KIRREL1: variants seen among roughly 807,000 people sequenced by gnomAD.
KIRREL1 encodes the protein kin of IRRE-like protein 1.
In KIRREL1, 25 loss-of-function variants were observed where a neutral mutation model predicts 83.3. That is an observed-to-expected ratio of 0.30 (90% CI 0.22 to 0.42). KIRREL1 has a LOEUF of 0.42. Ranked by LOEUF, KIRREL1 falls within the 10% of genes least tolerant of loss-of-function variation. KIRREL1 has a pLI of 1.00. For missense variants in KIRREL1, 812 were observed against 1,032.3 expected (o/e 0.79, Z 2.92); for synonymous variants, 388 against 410.4 (o/e 0.95, Z 0.66).
intron 1 of KIRREL1, among the ~76,000 whole-genome samples, chr1:158,041,220 G>A (rs879429360): frequency 6.6e-6 from 1 of 152,152 alleles, no homozygotes; most frequent in Admixed American, 6.5e-5. Context: ...GCCTTGGGGA[G>A]GGTCAGCTAA....
At chr1:158,052,033 C>T (rs1039811629) in intron 1 of KIRREL1, among the ~76,000 whole-genome samples, 1 of 152,076 alleles carries the variant, frequency 6.6e-6, no homozygotes, top group Non-Finnish European at 1.5e-5. Flanking sequence ...CCCTGCTGTA[C>T]CTACCCTCCC....
Position 157,994,297 on chromosome 1 carries a change from C to T in KIRREL1, c.52+569C>T, listed in dbSNP as rs74893434. On this transcript the variant is annotated intron_variant, in intron 1 of 14. Transcript: ENST00000359209. ...CTAGAGGAAGGGAGGGGTGTCTCGG[C>T]GCCTCTAGTGGGGATTTGGAACCCC... Among the ~76,000 whole-genome samples the T allele has an allele frequency of 5.6e-3, 850 of 152,068 alleles. 60 individuals carry two copies. The East Asian group carries it at 0.13, about 24-fold the overall frequency.
intron 1 of KIRREL1, among the ~76,000 whole-genome samples, chr1:158,006,496 G>A (rs1211952943): frequency 1.3e-5 from 2 of 152,228 alleles, no homozygotes; most frequent in Admixed American, 1.3e-4. Context: ...AGCCCAGAGA[G>A]GTCATAGGCG....
chr1:158,006,378 T>G (rs1220777858), intron 1 of KIRREL1, among the ~76,000 whole-genome samples: 1 of 152,206 alleles, frequency 6.6e-6, no homozygotes, highest in Non-Finnish European at 1.5e-5. Context: ...GATTGGGTAT[T>G]GTAACTGAAC....
Position 158,094,845 on chromosome 1 carries a change from C to T in KIRREL1, c.1999C>T (p.Pro667Ser), listed in dbSNP as rs1350627577. Residue 667 changes from proline (P) to serine (S), a missense_variant, in exon 15 of 15, where the codon CCC (proline) becomes TCC (serine). Pro to Ser is a moderately conservative substitution (Grantham distance 74). Coordinates refer to ENST00000359209, the MANE Select transcript of KIRREL1 (RefSeq NM_018240.7). This position sits in a 1 kb window ranked among gnomAD's most constrained non-coding sequence, Gnocchi z 4.6. ...CTCTGACTATGGCCCTGAGCCCACA[C>T]CCCCTGGCCCTGCTGCCCCAGCTGG... Reference protein sequence around the residue: ...PASDYGPEPTPPGPAAPAGTD... With the variant: ...PASDYGPEPTSPGPAAPAGTD... 1.9e-6 allele frequency: 3 copies of T among 1,613,880 alleles called. No homozygotes were observed. Among genetic ancestry groups the T allele is most frequent in the Admixed American group, 1.7e-5 (1 of 59,998 alleles).
At chr1:158,056,345 C>T (rs775666682) in intron 1 of KIRREL1, among the ~76,000 whole-genome samples, 35 of 152,200 alleles carry the variant, frequency 2.3e-4, no homozygotes, top group African/African-American at 7.7e-4. Context: ...TTGCCTTTCG[C>T]GTCAGGCTGG....
In KIRREL1 at chr1:158,088,427, C is replaced by T. The variant is rs1314445857; in HGVS notation, c.1017C>T (p.Leu339=). The T allele has an allele frequency of 1.2e-6, 2 of 1,608,758 alleles. No individual in the cohort carries two copies. The highest frequency in any genetic ancestry group is 1.3e-5 in the African/African-American group (1 of 74,098). ...CVWVGNPPLT[L]TWTKKDSNMV... ...GGGTTGGGAATCCCCCCCTCACTCT[C>T]ACCTGGACCAAAAAGGACTCAAATA... Residue 339 remains leucine, a synonymous_variant, in exon 8 of 15, where the codon CTC becomes CTT. Coordinates refer to ENST00000359209, the MANE Select transcript of KIRREL1 (RefSeq NM_018240.7).
At chr1:158,035,491 A>G (rs1660451057) in intron 1 of KIRREL1, among the ~76,000 whole-genome samples, 2 of 152,302 alleles carry the variant, frequency 1.3e-5, no homozygotes, top group South Asian at 4.1e-4. Context: ...CAAGGGGGAG[A>G]CAATTCATAT....
At chr1:158,057,021 A>T (rs1661084064) in intron 1 of KIRREL1, among the ~76,000 whole-genome samples, 2 of 151,984 alleles carry the variant, frequency 1.3e-5, no homozygotes, top group South Asian at 4.2e-4. Context: ...ATCTTCTCCT[A>T]GGAGGACCCC....
At position 158,077,992 on chromosome 1, in the gene KIRREL1, C is replaced by T; in HGVS notation, c.204C>T (p.Ala68=). The T allele has an allele frequency of 1.2e-6, 2 of 1,613,962 alleles. No homozygotes were observed. Among genetic ancestry groups the T allele is most frequent in the Non-Finnish European group, 1.7e-6 (2 of 1,179,864 alleles). ...LALGMGQGLK[A]WPRYRVVGSA... is the part of the protein sequence containing the mutation. ...GCCTCATTCTTTCTGTTTCTGCAGC[C>T]TGGCCACGGTACCGGGTTGTGGGCT... The change falls in exon 3 of 15, where the codon GCC becomes GCT. Residue 68 remains alanine (A), a splice_region_variant and synonymous_variant. Coordinates refer to ENST00000359209, the MANE Select transcript of KIRREL1 (RefSeq NM_018240.7).
chr1:158,040,852 G>A (rs1328664457), intron 1 of KIRREL1, among the ~76,000 whole-genome samples: 1 of 152,148 alleles, frequency 6.6e-6, no homozygotes, highest in Non-Finnish European at 1.5e-5. Context: ...AGGGCCTTGG[G>A]TGACCAGCTA....
At chr1:158,013,264 C>T (rs79921837) in intron 1 of KIRREL1, among the ~76,000 whole-genome samples, 7,119 of 152,286 alleles carry the variant, frequency 0.047, 161 homozygotes, top group Non-Finnish European at 0.058. Context: ...TAAGCTGCGA[C>T]TGACCTGTCT....
chr1:158,076,391 C>T, intron 2 of KIRREL1, 129 bp downstream of exon 2: 2 of 802,956 alleles, frequency 2.5e-6, no homozygotes, highest in South Asian at 3.2e-5. Context: ...AGCCTCCCCT[C>T]TGTCTCTGCT....
At chr1:158,028,680 T>C (rs545884993) in intron 1 of KIRREL1, among the ~76,000 whole-genome samples, 1 of 152,244 alleles carries the variant, frequency 6.6e-6, no homozygotes, top group Non-Finnish European at 1.5e-5. Flanking sequence ...TTTTAACTTA[T>C]GTAACTGAAA....
chr1:158,093,315 C>T (rs1662254099), intron 11 of KIRREL1, 24 bp from the exon 12 acceptor site: 1 of 1,597,728 alleles, frequency 6.3e-7, no homozygotes, highest in East Asian at 2.2e-5. Context: ...CCTCACCCCT[C>T]CACCTTTCCT....
intron 3 of KIRREL1, among the ~76,000 whole-genome samples, chr1:158,079,999 A>G (rs1184547044): frequency 6.6e-6 from 1 of 152,204 alleles, no homozygotes; most frequent in Non-Finnish European, 1.5e-5. Context: ...CCTCTCTAGG[A>G]CTAAAATGGA....
intron 8 of KIRREL1, 67 bp from the exon 9 acceptor site, chr1:158,089,435 G>C: frequency 6.3e-7 from 1 of 1,596,598 alleles, no homozygotes. Context: ...CCTCCGATGT[G>C]GGGCCCTCAT....
At position 158,084,579 on chromosome 1, in the gene KIRREL1, G is replaced by C; in HGVS notation, c.510G>C (p.Thr170=). Residue 170 remains threonine, a splice_region_variant and synonymous_variant, in exon 4 of 15, where the codon ACG becomes ACC. Transcript: ENST00000359209. ...GTQQEGAVAS[T]ELLKDGKRET... The stretch of plus-strand genomic sequence containing the variant: ...AGCAGGAGGGCGCTGTGGCCAGCAC[G>C]GTGAGCTCCAGCCAGCTCCCCCAGC... The C allele has an allele frequency of 1.3e-6, 2 of 1,551,374 alleles. No individual in the cohort carries two copies. Among genetic ancestry groups the C allele is most frequent in the Middle Eastern group, 3.3e-4 (2 of 5,986 alleles).
chr1:157,994,399 C>T (rs1659132668), intron 1 of KIRREL1, among the ~76,000 whole-genome samples: 1 of 125,224 alleles, frequency 8.0e-6, no homozygotes, highest in African/African-American at 3.0e-5. Flanking sequence ...GGGGGGAACT[C>T]ACGGGGGCGG....
Sources: allele counts gnomAD v4.1 joint callset (sites outside exome capture counted in the v4.1 genomes callset), GRCh38; gene constraint gnomAD v4.1.1; non-coding constraint Gnocchi (gnomAD v3.1); transcripts MANE v1.5; gene names NCBI Gene and HGNC (gene_info 2026-07-23, HGNC 2026-07-21).